The following TRHDE variants were observed in gnomAD, a reference collection of about 807,000 sequenced individuals.
The protein encoded by TRHDE is thyrotropin-releasing hormone-degrading ectoenzyme.
A neutral mutation model predicts 125.7 loss-of-function variants in TRHDE; 72 were observed. The ratio of observed to expected loss-of-function variants is 0.57; its 90% CI spans 0.47 to 0.70. The LOEUF (loss-of-function observed/expected upper bound fraction) is 0.70. TRHDE is among the 30% of genes least tolerant of loss of function. The pLI, the probability that TRHDE is intolerant of heterozygous loss-of-function variation, is 0.00. For missense variants in TRHDE, 1,110 were observed against 1,327.1 expected (o/e 0.84, Z 2.54); for synonymous variants, 509 against 509.1 (o/e 1.00, Z 0.00).
chr12:72,251,219 C>A (rs2139387047), intron 2 of TRHDE, among the ~76,000 whole-genome samples: 1 of 151,704 alleles, frequency 6.6e-6, no homozygotes, highest in East Asian at 1.9e-4. Flanking sequence ...ATGTGACTAC[C>A]AACAGAGTCA....
intron 2 of TRHDE, among the ~76,000 whole-genome samples, chr12:72,317,889 G>A (rs1360099265): frequency 6.6e-6 from 1 of 152,102 alleles, no homozygotes; most frequent in African/African-American, 2.4e-5. Flanking sequence ...CAGGGCTGAA[G>A]GGGCAGGAGG....
chr12:72,562,762 A>C, intron 8 of TRHDE, 91 bp from the exon 9 acceptor site: 1 of 806,434 alleles, frequency 1.2e-6, no homozygotes, highest in Non-Finnish European at 1.9e-6. Context: ...TATTTAGGTA[A>C]ATAGTAAAAA....
chr12:72,477,528 G>C (rs2135908169), intron 5 of TRHDE, among the ~76,000 whole-genome samples: 1 of 152,080 alleles, frequency 6.6e-6, no homozygotes, highest in East Asian at 1.9e-4. Flanking sequence ...TAGTCTTTTT[G>C]CTTGATGTTA....
At chr12:72,352,771 G>A (rs1345212710) in intron 2 of TRHDE, among the ~76,000 whole-genome samples, 2 of 151,600 alleles carry the variant, frequency 1.3e-5, no homozygotes, top group Admixed American at 1.3e-4. Flanking sequence ...TTTTATAAAT[G>A]ATTGCTAAGA....
intron 2 of TRHDE, among the ~76,000 whole-genome samples, chr12:72,209,058 C>T (rs1272333358): frequency 6.6e-6 from 1 of 152,182 alleles, no homozygotes; most frequent in Non-Finnish European, 1.5e-5. Context: ...GTCTATTTCT[C>T]ATCATAGAGG....
chr12:72,639,264 A>C (rs1396233715), intron 15 of TRHDE, among the ~76,000 whole-genome samples: 2 of 151,756 alleles, frequency 1.3e-5, no homozygotes, highest in African/African-American at 2.4e-5. Flanking sequence ...TTCATCTTCC[A>C]TCGCTGATAC....
chr12:72,273,490 A>T lies in TRHDE; in HGVS notation c.847A>T (p.Asn283Tyr), dbSNP rs1879343889. The change falls in exon 1 of 19, where the codon AAC becomes TAC. Residue 283 changes from asparagine (N) to tyrosine (Y), a missense_variant. Around this residue, in one of 5 missense-constraint regions of TRHDE, gnomAD observed 252 missense variants for 274.8 expected, o/e 0.92. Transcript: ENST00000261180. The surrounding 1 kb of genome is among the most constrained non-coding windows in gnomAD (Gnocchi z 5.3). ...QRNYNLKIIY[N>Y]ALIENELLGF... ...GAATTACAATCTGAAGATTATCTAC[A>T]ACGCGCTCATCGAGAATGAGCTCCT... 4.3e-6 allele frequency: 7 copies of T among 1,612,410 alleles called. No homozygotes were observed. The highest frequency in any genetic ancestry group is 2.2e-5 in the East Asian group (1 of 44,846).
chr12:72,231,463 A>G (rs1179635970), intron 2 of TRHDE, among the ~76,000 whole-genome samples: 1 of 152,008 alleles, frequency 6.6e-6, no homozygotes, highest in Non-Finnish European at 1.5e-5. Flanking sequence ...AGTTTAGGAA[A>G]TTAACTTATT....
At chr12:72,556,043 C>T (rs1360449362) in intron 7 of TRHDE, among the ~76,000 whole-genome samples, 1 of 152,090 alleles carries the variant, frequency 6.6e-6, no homozygotes, top group Non-Finnish European at 1.5e-5. Flanking sequence ...TCTTTCTCTC[C>T]AACATTCTTG....
intron 2 of TRHDE, among the ~76,000 whole-genome samples, chr12:72,118,883 G>T (rs1875511096): frequency 6.6e-6 from 1 of 152,034 alleles, no homozygotes. Context: ...TGTGGTATCA[G>T]TTGTAATGTC....
chr12:72,184,067 A>G (rs1321536824), intron 2 of TRHDE, among the ~76,000 whole-genome samples: 2 of 152,236 alleles, frequency 1.3e-5, no homozygotes, highest in Non-Finnish European at 2.9e-5. Context: ...GAAGCAGTAC[A>G]ACACAAATGT....
intron 6 of TRHDE, among the ~76,000 whole-genome samples, chr12:72,532,156 CTTGTT>C (rs1868589172): frequency 6.6e-6 from 1 of 151,830 alleles, no homozygotes; most frequent in African/African-American, 2.4e-5. Flanking sequence ...TGAAATTTTT[CTTGTT>C]TTGTTTTATA....
At position 72,363,887 on chromosome 12, in the gene TRHDE, A is replaced by G. The variant is rs529227930; in HGVS notation, c.1189-14108A>G. On this transcript the variant is annotated intron_variant, in intron 2 of 18. Coordinates refer to ENST00000261180, the MANE Select transcript of TRHDE (RefSeq NM_013381.3). ...CTAGAAAACCCCATTGTCTCAGCCC[A>G]AAATCTCCTTAAGCTGATAAGCAAC... Among the ~76,000 whole-genome samples, 914 of 152,094 alleles carry G rather than the reference A, an allele frequency of 6.0e-3. 12 individuals carry two copies. Among genetic ancestry groups the G allele is most frequent in the African/African-American group, 0.02 (837 of 41,472 alleles).
At chr12:72,310,541 A>T (rs779520028) in intron 2 of TRHDE, among the ~76,000 whole-genome samples, 258 of 152,336 alleles carry the variant, frequency 1.7e-3, no homozygotes, top group Non-Finnish European at 2.4e-3. Context: ...TAAAGCAATA[A>T]GTGTGAAAAT....
intron 5 of TRHDE, among the ~76,000 whole-genome samples, chr12:72,490,805 G>A (rs1877639395): frequency 6.7e-6 from 1 of 148,384 alleles, no homozygotes; most frequent in East Asian, 2.0e-4. Flanking sequence ...AGAGAAGAAA[G>A]CAGTGGATAC....
chr12:72,130,124 AC>A (rs1283384715), intron 2 of TRHDE, among the ~76,000 whole-genome samples: 6 of 151,866 alleles, frequency 4.0e-5, no homozygotes, highest in Non-Finnish European at 7.4e-5. Context: ...ACATGGTGAA[AC>A]CCTGTCTCTA....
chr12:72,656,197 T>A (rs1216498194), intron 17 of TRHDE, among the ~76,000 whole-genome samples: 1 of 152,158 alleles, frequency 6.6e-6, no homozygotes, highest in Non-Finnish European at 1.5e-5. Flanking sequence ...TTGTTCCTTG[T>A]CTTGGGTCAA....
rs1430370356 is a variant in TRHDE, at chr12:72,356,826, A to G, written c.1189-21169A>G. Reference sequence around the variant, plus strand: ...AAACAAAGCCACATTTGGAAACATCATGGTGAAACTATGAAACTCCAAGCA... The same window carrying G: ...AAACAAAGCCACATTTGGAAACATCGTGGTGAAACTATGAAACTCCAAGCA... On this transcript the variant is annotated intron_variant, in intron 2 of 18. Transcript: ENST00000261180. Among the ~76,000 whole-genome samples, 3 of 151,704 alleles carry G rather than the reference A, an allele frequency of 2.0e-5. No homozygotes were observed. In the East Asian group the frequency reaches 5.8e-4, roughly 30 times the overall value.
At chr12:72,487,784 A>AGT (rs1487767835) in intron 5 of TRHDE, among the ~76,000 whole-genome samples, 6 of 152,126 alleles carry the variant, frequency 3.9e-5, no homozygotes, top group Non-Finnish European at 8.8e-5. Flanking sequence ...GTATATCTTT[A>AGT]GTATGAAGGT....
Sources: allele counts gnomAD v4.1 joint callset (sites outside exome capture counted in the v4.1 genomes callset), GRCh38; gene constraint gnomAD v4.1.1; regional missense constraint gnomAD v4.1.1; non-coding constraint Gnocchi (gnomAD v3.1); transcripts MANE v1.5; gene names NCBI Gene and HGNC (gene_info 2026-07-23, HGNC 2026-07-21).